Variants in MEX3C observed in about 807,000 individuals in gnomAD.
The protein encoded by MEX3C is RNA-binding E3 ubiquitin-protein ligase MEX3C.
In MEX3C, 15 loss-of-function variants were observed where a neutral mutation model predicts 35.5. The ratio of observed to expected loss-of-function variants is 0.42; its 90% CI spans 0.28 to 0.65. MEX3C has a LOEUF of 0.65. Ranked by LOEUF, MEX3C falls within the 30% of genes least tolerant of loss-of-function variation. MEX3C has a pLI of 0.20. For synonymous variants in MEX3C, 390 were observed against 352.8 expected, an observed-to-expected ratio of 1.11 and a Z score of -1.18; for missense variants, 711 against 842.8, an observed-to-expected ratio of 0.84 and a Z score of 1.94.
At chr18:51,196,085 C>T (rs146068643) in intron 1 of MEX3C, 310 of 160,260 alleles carry the variant, frequency 1.9e-3, no homozygotes, top group African/African-American at 7.2e-3. Context: ...CCCTTCCCTC[C>T]CCAGTGAGCT....
chr18:51,189,053 T>C (rs532601517), intron 1 of MEX3C, among the ~76,000 whole-genome samples: 12 of 152,330 alleles, frequency 7.9e-5, no homozygotes, highest in Admixed American at 2.6e-4. Flanking sequence ...ATAGACTTGT[T>C]TATCTGTTCG....
chr18:51,177,398 C>A lies in MEX3C; in HGVS notation c.933G>T (p.Gly311=). Residue 311 remains glycine, a synonymous_variant, in exon 2 of 2, where the codon GGG becomes GGT. Transcript: ENST00000406189. The surrounding 1 kb of genome is among the most constrained non-coding windows in gnomAD (Gnocchi z 4.2). ...SMIRASRNKN[G]PALGGLSCSP... ...TACATGATAATCCTCCCAGGGCAGG[C>A]CCATTTTTGTTTCGAGATGCACGAA... The A allele has an allele frequency of 6.2e-7, 1 of 1,613,938 alleles. No individual in the cohort carries two copies. Among genetic ancestry groups the A allele is most frequent in the Non-Finnish European group, 8.5e-7 (1 of 1,179,874 alleles).
chr18:51,184,320 T>C (rs1912489469), intron 1 of MEX3C, among the ~76,000 whole-genome samples: 1 of 152,150 alleles, frequency 6.6e-6, no homozygotes, highest in African/African-American at 2.4e-5. Context: ...AGTGAGACCC[T>C]GAACAGACAC....
chr18:51,185,280 A>G (rs1363451588), intron 1 of MEX3C, among the ~76,000 whole-genome samples: 1 of 152,216 alleles, frequency 6.6e-6, no homozygotes, highest in Non-Finnish European at 1.5e-5. Flanking sequence ...CAGCTTCTAG[A>G]GGCCACCTAC....
Position 51,177,114 on chromosome 18 carries a change from T to A in MEX3C, c.1217A>T (p.Asp406Val). The A allele has an allele frequency of 6.2e-7, 1 of 1,613,874 alleles. No homozygotes were observed. Residue 406 changes from aspartate to valine, a missense_variant, in exon 2 of 2, where the codon GAT becomes GTT. Asp to Val is a radical substitution (Grantham distance 152, BLOSUM62 -3). Coordinates refer to ENST00000406189, the MANE Select transcript of MEX3C (RefSeq NM_016626.5). The surrounding 1 kb of genome is among the most constrained non-coding windows in gnomAD (Gnocchi z 4.2). ...TACATCGGTACCATTGTAATGGAAA[T>A]CATTCTCTTCATTGAGCTCTATATA... is the stretch of plus-strand genomic sequence containing the variant. Reference protein sequence around the residue: ...GNYIELNEENDFHYNGTDVSF... With the variant: ...GNYIELNEENVFHYNGTDVSF...
At chr18:51,191,102 T>A (rs929999679) in intron 1 of MEX3C, among the ~76,000 whole-genome samples, 4 of 152,176 alleles carry the variant, frequency 2.6e-5, no homozygotes, top group African/African-American at 9.6e-5. Context: ...TTGAGTTTGG[T>A]TACAAATTCT....
At chr18:51,188,792 G>C (rs923218425) in intron 1 of MEX3C, among the ~76,000 whole-genome samples, 1 of 152,158 alleles carries the variant, frequency 6.6e-6, no homozygotes, top group African/African-American at 2.4e-5. Context: ...ATAATGCAAA[G>C]ATGACTAAGA....
At chr18:51,180,252 T>C (rs1438261907) in intron 1 of MEX3C, among the ~76,000 whole-genome samples, 1 of 152,156 alleles carries the variant, frequency 6.6e-6, no homozygotes, top group Non-Finnish European at 1.5e-5. Flanking sequence ...ACTGAGGAAA[T>C]ATGCTTGAGG....
chr18:51,182,178 A>C (rs8088085), intron 1 of MEX3C, among the ~76,000 whole-genome samples: 54,286 of 152,112 alleles, frequency 0.36, 10,813 homozygotes, highest in Non-Finnish European at 0.45. Context: ...TTTATAAATC[A>C]AATGTTATCA....
chr18:51,196,241 G>A, intron 1 of MEX3C: 1 of 431,310 alleles, frequency 2.3e-6, no homozygotes, highest in East Asian at 5.1e-5. Flanking sequence ...AACTCCTCGA[G>A]CCCGACCTTT....
At chr18:51,181,067 CGAA>C (rs35969139) in intron 1 of MEX3C, among the ~76,000 whole-genome samples, 2 of 152,110 alleles carry the variant, frequency 1.3e-5, no homozygotes, top group Non-Finnish European at 2.9e-5. Context: ...TTGCAGGTGA[CGAA>C]GGTATTAGCT....
chr18:51,183,326 T>C (rs566118700), intron 1 of MEX3C, among the ~76,000 whole-genome samples: 4 of 152,222 alleles, frequency 2.6e-5, no homozygotes, highest in Non-Finnish European at 5.9e-5. Context: ...GGCCTATCCA[T>C]ACCATTTGTT....
At chr18:51,190,401 T>C (rs1282499929) in intron 1 of MEX3C, among the ~76,000 whole-genome samples, 1 of 152,208 alleles carries the variant, frequency 6.6e-6, no homozygotes, top group Non-Finnish European at 1.5e-5. Context: ...TCTTTTCTAG[T>C]TGTTTGAAGC....
intron 1 of MEX3C, chr18:51,194,083 C>T (rs1358236491): frequency 6.6e-6 from 1 of 152,214 alleles, no homozygotes. Flanking sequence ...GTTTTACTTA[C>T]TTAGGACAGA....
At chr18:51,178,663 TAACATGGTG>T (rs935448603) in intron 1 of MEX3C, among the ~76,000 whole-genome samples, 17 of 151,896 alleles carry the variant, frequency 1.1e-4, no homozygotes, top group African/African-American at 3.4e-4. Flanking sequence ...CCAGGCTGAC[TAACATGGTG>T]AACATGGTGA....
intron 1 of MEX3C, among the ~76,000 whole-genome samples, chr18:51,181,118 G>T (rs959193768): frequency 5.3e-5 from 8 of 152,010 alleles, no homozygotes; most frequent in Non-Finnish European, 1.2e-4. Context: ...AAAACTCGAA[G>T]ATATTTTTAA....
At chr18:51,188,535 T>G (rs1164872511) in intron 1 of MEX3C, among the ~76,000 whole-genome samples, 1 of 150,504 alleles carries the variant, frequency 6.6e-6, no homozygotes, top group African/African-American at 2.4e-5. Context: ...GAGGCGGAGG[T>G]TGCAATGAGC....
At chr18:51,192,692 A>G (rs1912677260) in intron 1 of MEX3C, among the ~76,000 whole-genome samples, 2 of 152,210 alleles carry the variant, frequency 1.3e-5, no homozygotes, top group Non-Finnish European at 2.9e-5. Context: ...GGCAATGTAG[A>G]GTACAAAGAA....
At chr18:51,181,604 C>G (rs1040620757) in intron 1 of MEX3C, among the ~76,000 whole-genome samples, 1 of 152,222 alleles carries the variant, frequency 6.6e-6, no homozygotes, top group African/African-American at 2.4e-5. Context: ...TATATTCTTA[C>G]GCTTCTACAA....
Sources: allele counts gnomAD v4.1 joint callset (sites outside exome capture counted in the v4.1 genomes callset), GRCh38; gene constraint gnomAD v4.1.1; non-coding constraint Gnocchi (gnomAD v3.1); transcripts MANE v1.5; gene names NCBI Gene and HGNC (gene_info 2026-07-23, HGNC 2026-07-21).